Variants in C8A observed in about 807,000 individuals in gnomAD.
C8A encodes complement C8 alpha chain, also known as complement component C8 alpha chain.
Under a neutral mutation model 65.3 loss-of-function variants are expected in C8A, and 67 were observed. That is an observed-to-expected ratio of 1.03 (90% CI 0.84 to 1.26). The LOEUF is 1.26. Among genes scored for constraint, C8A ranks in the 50% most tolerant of loss-of-function variants. The pLI, the probability that C8A is intolerant of heterozygous loss-of-function variation, is 0.00. For missense variants in C8A, 781 were observed against 723.9 expected, an observed-to-expected ratio of 1.08 and a Z score of -0.90; for synonymous variants, 290 against 259.4, an observed-to-expected ratio of 1.12 and a Z score of -1.13.
At chr1:56,862,959 A>G (rs1450814339) in intron 1 of C8A, among the ~76,000 whole-genome samples, 4 of 152,206 alleles carry the variant, frequency 2.6e-5, no homozygotes, top group Admixed American at 1.3e-4. Context: ...TCTTCAATAA[A>G]TAACTTGAAT....
chr1:56,887,956 G>A (rs759281320), intron 7 of C8A, among the ~76,000 whole-genome samples: 1 of 152,060 alleles, frequency 6.6e-6, no homozygotes, highest in Non-Finnish European at 1.5e-5. Context: ...ATACAGGAAG[G>A]AGAATATCAC....
At position 56,875,258 on chromosome 1, in the gene C8A, A is replaced by G. The variant is rs1248231581; in HGVS notation, c.316+165A>G. Among the ~76,000 whole-genome samples the G allele has an allele frequency of 3.3e-5, 5 of 152,216 alleles. No individual in the cohort carries two copies. In the East Asian group the frequency reaches 9.6e-4, roughly 29 times the overall value. The stretch of plus-strand genomic sequence containing the variant: ...AGGAATCTGCATTTTAAGCCAAGCC[A>G]GCAGCCCAAGTAATTTTGATTCAAC... On this transcript the variant is annotated intron_variant, in intron 3 of 10. Coordinates refer to ENST00000361249, the MANE Select transcript of C8A (RefSeq NM_000562.3).
At chr1:56,888,562 G>A (rs572065042) in intron 7 of C8A, among the ~76,000 whole-genome samples, 1 of 152,102 alleles carries the variant, frequency 6.6e-6, no homozygotes, top group South Asian at 2.1e-4. Flanking sequence ...TGGATTATAG[G>A]CACTAAAGAT....
At position 56,867,720 on chromosome 1, in the gene C8A, G is replaced by A. The variant is rs367618723; in HGVS notation, c.171+18G>A. On this transcript the variant is annotated intron_variant, in intron 2 of 10. Coordinates refer to ENST00000361249, the MANE Select transcript of C8A (RefSeq NM_000562.3). The stretch of plus-strand genomic sequence containing the variant: ...ACAAAAAGGTGAGACACTTACAACC[G>A]GTTTGGGGGCATTTCATATTTGATA... 37 of 1,582,004 alleles carry A rather than the reference G, an allele frequency of 2.3e-5. 1 individual carries two copies. The highest frequency in any genetic ancestry group is 2.9e-5 in the Non-Finnish European group (33 of 1,151,224).
intron 4 of C8A, among the ~76,000 whole-genome samples, chr1:56,877,904 C>T (rs1644213398): frequency 1.3e-5 from 2 of 152,100 alleles, no homozygotes; most frequent in African/African-American, 4.8e-5. Context: ...TAGATATACA[C>T]ATATAAAAAG....
chr1:56,901,711 A>G (rs1355933241), intron 7 of C8A, among the ~76,000 whole-genome samples: 1 of 152,082 alleles, frequency 6.6e-6, no homozygotes, highest in Non-Finnish European at 1.5e-5. Flanking sequence ...TGCTGAGGAA[A>G]CAAGTCCTCT....
At chr1:56,900,990 C>CTCAATGAAAGAGATAAAGGGACTT (rs1644422374) in intron 7 of C8A, among the ~76,000 whole-genome samples, 1 of 152,184 alleles carries the variant, frequency 6.6e-6, no homozygotes, top group South Asian at 2.1e-4. Context: ...GTGGGAGAAG[C>CTCAATGAAAGAGATAAAGGGACTT]TCAATGAAAG....
chr1:56,901,040 T>C (rs1315539106), intron 7 of C8A, among the ~76,000 whole-genome samples: 1 of 152,142 alleles, frequency 6.6e-6, no homozygotes, highest in Non-Finnish European at 1.5e-5. Flanking sequence ...GGCACTGAGG[T>C]ACTCATTTTA....
chr1:56,903,793 A>G (rs1473024077), intron 7 of C8A, among the ~76,000 whole-genome samples: 3 of 152,208 alleles, frequency 2.0e-5, no homozygotes, highest in Non-Finnish European at 2.9e-5. Flanking sequence ...TGAAAAACAG[A>G]TTCCTGATTT....
At chr1:56,865,754 T>C (rs1427676166) in intron 1 of C8A, among the ~76,000 whole-genome samples, 1 of 152,206 alleles carries the variant, frequency 6.6e-6, no homozygotes, top group Non-Finnish European at 1.5e-5. Flanking sequence ...TTTGAGCTTC[T>C]ATGAGAAAAT....
intron 7 of C8A, among the ~76,000 whole-genome samples, chr1:56,901,217 G>T (rs1644424275): frequency 6.6e-6 from 1 of 152,118 alleles, no homozygotes; most frequent in Admixed American, 6.6e-5. Flanking sequence ...CCATTCTGAG[G>T]CTGTCTTTGG....
intron 10 of C8A, among the ~76,000 whole-genome samples, chr1:56,914,231 T>C (rs555276303): frequency 3.9e-5 from 6 of 152,222 alleles, no homozygotes; most frequent in Non-Finnish European, 8.8e-5. Context: ...GGAGAGAAGC[T>C]ATAGCAAAGG....
At chr1:56,866,926 C>A (rs1258802681) in intron 1 of C8A, among the ~76,000 whole-genome samples, 1 of 152,134 alleles carries the variant, frequency 6.6e-6, no homozygotes, top group African/African-American at 2.4e-5. Flanking sequence ...TGCCATCAAA[C>A]CAACTAGTTC....
rs188675891 is a variant in C8A at position 56,885,395 on chromosome 1, A to T, written c.856-532A>T. On this transcript the variant is annotated intron_variant, in intron 6 of 10. Transcript: ENST00000361249. Reference sequence around the variant, plus strand: ...TTATATTTATTTAAATATATATTTAAATAAATATATATTTATTTAAATATA... The same window carrying T: ...TTATATTTATTTAAATATATATTTATATAAATATATATTTATTTAAATATA... Among the ~76,000 whole-genome samples, 133 of 111,260 alleles carry T rather than the reference A, an allele frequency of 1.2e-3. 2 individuals carry two copies. Among genetic ancestry groups the T allele is most frequent in the South Asian group, 2.7e-3 (10 of 3,732 alleles). 73.0% of individuals were successfully genotyped at this position (111,260 alleles called of 152,430 possible). A position where few individuals can be genotyped will look rare whatever the true frequency, so the allele number is the denominator to read the frequency against.
At chr1:56,860,367 G>C (rs927902612) in intron 1 of C8A, among the ~76,000 whole-genome samples, 4 of 152,192 alleles carry the variant, frequency 2.6e-5, no homozygotes, top group African/African-American at 9.6e-5. Context: ...AAATTGGACA[G>C]AGGCCAGATC....
At chr1:56,907,509 GCCT>G (rs1557714915) in intron 8 of C8A, among the ~76,000 whole-genome samples, 1 of 152,060 alleles carries the variant, frequency 6.6e-6, no homozygotes, top group African/African-American at 2.4e-5. Context: ...CTTTCTGACT[GCCT>G]CCCACACCCC....
chr1:56,866,693 C>G (rs1301048649), intron 1 of C8A, among the ~76,000 whole-genome samples: 1 of 152,216 alleles, frequency 6.6e-6, no homozygotes, highest in Non-Finnish European at 1.5e-5. Context: ...CCCAGTGGGC[C>G]AATCTGGCTT....
chr1:56,912,699 G>T, intron 10 of C8A, 74 bp downstream of exon 10: 3 of 1,392,862 alleles, frequency 2.2e-6, no homozygotes, highest in Non-Finnish European at 3.0e-6. Context: ...GGACTTTTGG[G>T]GTTCCCGGCC....
At chr1:56,908,939 A>G (rs1273123459) in intron 9 of C8A, among the ~76,000 whole-genome samples, 1 of 152,106 alleles carries the variant, frequency 6.6e-6, no homozygotes, top group Non-Finnish European at 1.5e-5. Flanking sequence ...GATGTTTTTG[A>G]TATTTTTGTC....
Sources: gnomAD v4.1 joint callset for allele counts (sites outside exome capture counted in the v4.1 genomes callset) on GRCh38, gnomAD v4.1.1 for gene constraint, MANE v1.5 for transcripts, NCBI Gene and HGNC (gene_info 2026-07-23, HGNC 2026-07-21) for gene names.